CCDC73: variants seen among roughly 807,000 people sequenced by gnomAD.
CCDC73 encodes the protein coiled-coil domain-containing protein 73.
CCDC73 carries 95 observed loss-of-function variants against 116.5 expected under a neutral mutation model. The observed-to-expected ratio is 0.82, with a 90% confidence interval of 0.69 to 0.97. CCDC73 has a LOEUF of 0.97. Ranked by LOEUF, CCDC73 falls within the 50% of genes least tolerant of loss-of-function variation. The pLI, the probability that CCDC73 is intolerant of heterozygous loss-of-function variation, is 0.00. For synonymous variants in CCDC73, 398 were observed against 401.3 expected, an observed-to-expected ratio of 0.99 and a Z score of 0.10; for missense variants, 1,066 against 1,206.8, an observed-to-expected ratio of 0.88 and a Z score of 1.73.
intron 1 of CCDC73, among the ~76,000 whole-genome samples, chr11:32,776,854 T>C (rs1850535949): frequency 6.7e-6 from 1 of 149,834 alleles, no homozygotes; most frequent in Non-Finnish European, 1.5e-5. Flanking sequence ...GCAATTTCCC[T>C]TATATTTTTC....
intron 14 of CCDC73, among the ~76,000 whole-genome samples, chr11:32,623,002 ATTTTT>A (rs1855536873): frequency 6.6e-6 from 1 of 151,946 alleles, no homozygotes; most frequent in Non-Finnish European, 1.5e-5. Context: ...ATTTTATTTT[ATTTTT>A]TAATTTATTT....
At chr11:32,731,519 G>C (rs577516047) in intron 2 of CCDC73, among the ~76,000 whole-genome samples, 1 of 152,344 alleles carries the variant, frequency 6.6e-6, no homozygotes, top group Admixed American at 6.5e-5. Context: ...TTCCCAGTAG[G>C]CGCTAACTGA....
chr11:32,634,698 A>C (rs1349547009), intron 14 of CCDC73, among the ~76,000 whole-genome samples: 1 of 152,252 alleles, frequency 6.6e-6, no homozygotes, highest in Non-Finnish European at 1.5e-5. Flanking sequence ...ACAGCATTTT[A>C]GAAAGAAAGT....
chr11:32,622,054 T>C (rs751089183), intron 14 of CCDC73, among the ~76,000 whole-genome samples: 3 of 152,120 alleles, frequency 2.0e-5, no homozygotes, highest in Non-Finnish European at 4.4e-5. Flanking sequence ...TGCTTTTACA[T>C]TGTTGGTGGG....
chr11:32,740,977 A>G (rs550939772), intron 2 of CCDC73, among the ~76,000 whole-genome samples: 2 of 152,066 alleles, frequency 1.3e-5, no homozygotes, highest in African/African-American at 2.4e-5. Context: ...TTGTTTGCAT[A>G]CTTTCCAAAA....
At chr11:32,736,517 G>A (rs527379402) in intron 2 of CCDC73, among the ~76,000 whole-genome samples, 1 of 152,314 alleles carries the variant, frequency 6.6e-6, no homozygotes, top group African/African-American at 2.4e-5. Context: ...AACAACAGGT[G>A]CTGGAGAGGA....
At chr11:32,746,358 A>AT (rs1190252578) in intron 2 of CCDC73, among the ~76,000 whole-genome samples, 1 of 151,764 alleles carries the variant, frequency 6.6e-6, no homozygotes, top group Non-Finnish European at 1.5e-5. Flanking sequence ...TGCCCTTAAC[A>AT]TTTTTTCCTT....
At chr11:32,716,736 A>AT (rs1849949800) in intron 3 of CCDC73, among the ~76,000 whole-genome samples, 1 of 151,920 alleles carries the variant, frequency 6.6e-6, no homozygotes. Context: ...TAATATATGT[A>AT]TTTTTTAATA....
intron 17 of CCDC73, among the ~76,000 whole-genome samples, chr11:32,606,944 T>A (rs954829367): frequency 4.0e-5 from 6 of 150,070 alleles, no homozygotes; most frequent in Non-Finnish European, 8.9e-5. Context: ...ACCCGGACAG[T>A]TTTTGTATTT....
At chr11:32,733,779 G>C (rs375382370) in intron 2 of CCDC73, among the ~76,000 whole-genome samples, 125 of 152,234 alleles carry the variant, frequency 8.2e-4, no homozygotes, top group Non-Finnish European at 1.5e-3. Flanking sequence ...AGTGTGTAGA[G>C]GGAAATTTAT....
chr11:32,812,494 T>C, the CCDC73 span, among the ~76,000 whole-genome samples: 136,012 of 152,124 alleles, frequency 0.89, 61,089 homozygotes, highest in East Asian at 0.99. Flanking sequence ...GGAGAAACCC[T>C]GTCTCTACTA....
rs11031925 is a variant in CCDC73, at chr11:32,666,055, G to A, written c.645+9510C>T. Among the ~76,000 whole-genome samples the A allele has an allele frequency of 5.5e-3, 833 of 152,288 alleles. 21 individuals are homozygous for A. In the East Asian group the frequency reaches 0.059, roughly 11 times the overall value. On this transcript the variant is annotated intron_variant, in intron 9 of 17. Transcript: ENST00000335185. ...CTGTTAGTCTGATGGGCTTCCCTTT[G>A]TGGGTAACCTGATGTTTCTCTCTGG...
intron 6 of CCDC73, 100 bp from the exon 7 acceptor site, chr11:32,683,674 T>G (rs1336295112): frequency 1.8e-5 from 12 of 677,208 alleles, no homozygotes; most frequent in Non-Finnish European, 5.1e-6. Flanking sequence ...GGCATGTATC[T>G]TCTATGTACC....
At chr11:32,662,815 T>C (rs1855943320) in intron 9 of CCDC73, among the ~76,000 whole-genome samples, 1 of 152,138 alleles carries the variant, frequency 6.6e-6, no homozygotes, top group Non-Finnish European at 1.5e-5. Context: ...GTTTTTATGG[T>C]TTTAGGTCTA....
rs2133222804 is a variant in CCDC73, at chr11:32,616,031, T to C, written c.1284A>G (p.Glu428=). 2 of 1,603,964 alleles carry C rather than the reference T, an allele frequency of 1.2e-6. No individual in the cohort carries two copies. The highest frequency in any genetic ancestry group is 2.3e-5 in the South Asian group (2 of 88,612). The part of the protein sequence containing the change: ...QKYNTEQEIR[E]ENMENFCSDT... ...CTGAACAAAAATTCTCCATATTTTCTTCCCTTATTTCTTGCTCAGTATTAT... is the reference window on the plus strand; with the variant it reads ...CTGAACAAAAATTCTCCATATTTTCCTCCCTTATTTCTTGCTCAGTATTAT... The change falls in exon 15 of 18, where the codon GAA becomes GAG. Residue 428 remains glutamate (E), a synonymous_variant. Coordinates refer to ENST00000335185, the MANE Select transcript of CCDC73 (RefSeq NM_001008391.4).
At chr11:32,784,067 C>T (rs540635324) in intron 1 of CCDC73, among the ~76,000 whole-genome samples, 2 of 152,220 alleles carry the variant, frequency 1.3e-5, no homozygotes, top group African/African-American at 4.8e-5. Flanking sequence ...CAGTGGCCCA[C>T]GCCTATAATC....
intron 2 of CCDC73, among the ~76,000 whole-genome samples, chr11:32,721,200 T>A (rs1202814164): frequency 6.6e-6 from 1 of 152,034 alleles, no homozygotes; most frequent in Non-Finnish European, 1.5e-5. Flanking sequence ...AATTTTTATA[T>A]TTTTAGTAGA....
intron 10 of CCDC73, among the ~76,000 whole-genome samples, chr11:32,654,459 C>A (rs1855853392): frequency 6.6e-6 from 1 of 152,086 alleles, no homozygotes; most frequent in Non-Finnish European, 1.5e-5. Context: ...CAGGCGTAAG[C>A]CACTGCACCT....
intron 3 of CCDC73, among the ~76,000 whole-genome samples, chr11:32,716,596 T>C (rs147873527): frequency 6.6e-6 from 1 of 152,200 alleles, no homozygotes; most frequent in Admixed American, 6.5e-5. Flanking sequence ...AGAGCCTCGC[T>C]CTGCACCCAG....
Sources: gnomAD v4.1 joint callset for allele counts (sites outside exome capture counted in the v4.1 genomes callset) on GRCh38, gnomAD v4.1.1 for gene constraint, MANE v1.5 for transcripts, NCBI Gene and HGNC (gene_info 2026-07-23, HGNC 2026-07-21) for gene names.